XKR7: variants seen among roughly 807,000 people sequenced by gnomAD.
XKR7 encodes the protein XK related 7.
A neutral mutation model predicts 42.2 loss-of-function variants in XKR7; 11 were observed. The ratio of observed to expected loss-of-function variants is 0.26; its 90% CI spans 0.16 to 0.43. The LOEUF is 0.43. Ranked by LOEUF, XKR7 falls within the 20% of genes least tolerant of loss-of-function variation. The pLI is 1.00. For synonymous variants in XKR7, 346 were observed against 366.4 expected (o/e 0.94, Z 0.64); for missense variants, 710 against 802.2 (o/e 0.89, Z 1.39).
chr20:31,972,913 A>C (rs1260614507), intron 1 of XKR7, among the ~76,000 whole-genome samples: 1 of 152,230 alleles, frequency 6.6e-6, no homozygotes, highest in South Asian at 2.1e-4. Flanking sequence ...GGGAAACTAC[A>C]TTCTTGGCAT....
In XKR7 at chr20:31,997,180, C is replaced by G. The variant is rs541480417; in HGVS notation, c.1463C>G (p.Ser488Trp). The G allele has an allele frequency of 2.5e-6, 4 of 1,610,258 alleles. No individual in the cohort carries two copies. Among genetic ancestry groups the G allele is most frequent in the African/African-American group, 2.7e-5 (2 of 75,044 alleles). Residue 488 changes from serine to tryptophan, a missense_variant, in exon 3 of 3, where the codon TCG (serine) becomes TGG (tryptophan). Ser to Trp is a radical substitution (Grantham distance 177, BLOSUM62 -3). This residue lies in a region of XKR7 where 708 missense variants were observed against 786.2 expected (regional missense o/e 0.90). Coordinates refer to ENST00000562532, the MANE Select transcript of XKR7 (RefSeq NM_001011718.2). Reference protein sequence around the residue: ...RTTGAERDGASAGERAGTPTP... With the variant: ...RTTGAERDGAWAGERAGTPTP... ...ACAGGTGCTGAGCGGGATGGGGCCT[C>G]GGCGGGAGAGCGTGCAGGGACCCCC...
At chr20:31,984,700 G>A (rs2064529376) in intron 1 of XKR7, among the ~76,000 whole-genome samples, 1 of 152,196 alleles carries the variant, frequency 6.6e-6, no homozygotes, top group Non-Finnish European at 1.5e-5. Flanking sequence ...GGTCCATTGT[G>A]TCTTACCGGG....
intron 1 of XKR7, among the ~76,000 whole-genome samples, chr20:31,987,974 A>G (rs2122270898): frequency 6.6e-6 from 1 of 152,356 alleles, no homozygotes; most frequent in Middle Eastern, 3.4e-3. Flanking sequence ...ACAGAAATGC[A>G]GGAATGGTAA....
intron 1 of XKR7, among the ~76,000 whole-genome samples, chr20:31,984,372 AC>A (rs2064527790): frequency 6.6e-6 from 1 of 152,120 alleles, no homozygotes; most frequent in Non-Finnish European, 1.5e-5. Context: ...GGAAGCAAGC[AC>A]CCCAGGGAAG....
intron 1 of XKR7, among the ~76,000 whole-genome samples, chr20:31,989,283 C>T (rs983734363): frequency 1.2e-4 from 15 of 120,618 alleles, no homozygotes; most frequent in Non-Finnish European, 2.0e-4. Flanking sequence ...ACACCCCCCC[C>T]CCAGCGCATC....
intron 1 of XKR7, among the ~76,000 whole-genome samples, chr20:31,983,643 A>T (rs2064523759): frequency 6.6e-6 from 1 of 152,118 alleles, no homozygotes; most frequent in South Asian, 2.1e-4. Context: ...CATGGTGAAG[A>T]GTTAATTTTA....
chr20:31,995,038 G>A lies in XKR7; in HGVS notation c.585-30G>A. On this transcript the variant is annotated intron_variant, in intron 1 of 2. Coordinates refer to ENST00000562532, the MANE Select transcript of XKR7 (RefSeq NM_001011718.2). The surrounding 1 kb of genome is among the most constrained non-coding windows in gnomAD (Gnocchi z 4.1). ...GACAGAGCGAGAGGAACCAGCGCGC[G>A]GGAGCCTGAGCACCGCGTCCTTCCC... 14 of 1,539,340 alleles carry A rather than the reference G, an allele frequency of 9.1e-6. No homozygotes were observed. Among genetic ancestry groups the A allele is most frequent in the Non-Finnish European group, 1.1e-5 (13 of 1,145,136 alleles).
At chr20:31,996,069 G>A (rs1343556599) in intron 2 of XKR7, among the ~76,000 whole-genome samples, 1 of 151,152 alleles carries the variant, frequency 6.6e-6, no homozygotes, top group Non-Finnish European at 1.5e-5. Flanking sequence ...TCCTCTCCAT[G>A]CCCGGCCTCC....
intron 1 of XKR7, among the ~76,000 whole-genome samples, chr20:31,980,385 C>T (rs1053702601): frequency 2.0e-5 from 3 of 152,220 alleles, no homozygotes; most frequent in Non-Finnish European, 2.9e-5. Flanking sequence ...CCCAACCCCC[C>T]GCAAAAGTTT....
chr20:31,988,312 A>G (rs142650012), intron 1 of XKR7, among the ~76,000 whole-genome samples: 181 of 152,220 alleles, frequency 1.2e-3, no homozygotes, highest in African/African-American at 4.2e-3. Context: ...ACTGGGGGAC[A>G]CTGGAAATTT....
chr20:31,972,664 G>A (rs560590440), intron 1 of XKR7, among the ~76,000 whole-genome samples: 1 of 152,338 alleles, frequency 6.6e-6, no homozygotes, highest in South Asian at 2.1e-4. Flanking sequence ...GGTTTGCTAA[G>A]CCAATTAGTG....
intron 1 of XKR7, among the ~76,000 whole-genome samples, chr20:31,974,799 C>G (rs1225369133): frequency 6.6e-6 from 1 of 152,136 alleles, no homozygotes; most frequent in Admixed American, 6.5e-5. Flanking sequence ...GATTACAGTC[C>G]CCTGAACTCA....
rs1410878087 is a variant in XKR7 at position 32,002,440 on chromosome 20, C to A, written c.*4983C>A. 6.6e-6 allele frequency: 1 copy of A among 152,166 alleles called. No homozygotes were observed. Among genetic ancestry groups the A allele is most frequent in the Non-Finnish European group, 1.5e-5 (1 of 68,064 alleles). 9.4% of individuals were successfully genotyped at this position (152,166 alleles called of 1,614,324 possible). ...CTCCATCTCTCTCTCACCCAAATCCCCCCAGATCGAATCTGACCCTTTTCC... is the reference window on the plus strand; with the variant it reads ...CTCCATCTCTCTCTCACCCAAATCCACCCAGATCGAATCTGACCCTTTTCC... On this transcript the variant is annotated 3_prime_UTR_variant, in exon 3 of 3. Coordinates refer to ENST00000562532, the MANE Select transcript of XKR7 (RefSeq NM_001011718.2).
At chr20:31,985,283 G>A (rs963181346) in intron 1 of XKR7, among the ~76,000 whole-genome samples, 13 of 152,122 alleles carry the variant, frequency 8.5e-5, no homozygotes, top group Non-Finnish European at 1.0e-4. Context: ...GAGAGGCAGC[G>A]GGGGAGCCAC....
intron 1 of XKR7, among the ~76,000 whole-genome samples, chr20:31,983,734 G>A (rs61682578): frequency 1.3e-5 from 2 of 152,270 alleles, no homozygotes; most frequent in African/African-American, 2.4e-5. Context: ...ATCACCTGAG[G>A]TCAGGAGTTC....
intron 1 of XKR7, among the ~76,000 whole-genome samples, chr20:31,979,126 C>G (rs1241386687): frequency 7.7e-6 from 1 of 130,456 alleles, no homozygotes; most frequent in Non-Finnish European, 1.6e-5. Flanking sequence ...CAGAGTGAGA[C>G]TCTGTCTCAA....
At chr20:31,990,894 A>G (rs553009085) in intron 1 of XKR7, among the ~76,000 whole-genome samples, 4 of 152,234 alleles carry the variant, frequency 2.6e-5, no homozygotes, top group African/African-American at 9.6e-5. Flanking sequence ...CCTGTTGCCA[A>G]AAGGGGCAGA....
chr20:31,997,429 A>T lies in XKR7; in HGVS notation c.1712A>T (p.Glu571Val). 6.3e-7 allele frequency: 1 copy of T among 1,598,466 alleles called. No individual in the cohort carries two copies. Among genetic ancestry groups the T allele is most frequent in the Non-Finnish European group, 8.5e-7 (1 of 1,179,460 alleles). The stretch of plus-strand genomic sequence containing the variant: ...TACCGGAGTGTGGGGACTTCCCAGG[A>T]GCTGCTGGAGTATGAGACCACAGTG... ...LQYRSVGTSQ[E>V]LLEYETTV Residue 571 changes from glutamate to valine, a missense_variant, in exon 3 of 3, where the codon GAG becomes GTG. This residue lies in a region of XKR7 where 708 missense variants were observed against 786.2 expected (regional missense o/e 0.90). Coordinates refer to ENST00000562532, the MANE Select transcript of XKR7 (RefSeq NM_001011718.2).
Position 32,000,639 on chromosome 20 carries a change from T to C in XKR7, c.*3182T>C, listed in dbSNP as rs1000712274. On this transcript the variant is annotated 3_prime_UTR_variant, in exon 3 of 3. Coordinates refer to ENST00000562532, the MANE Select transcript of XKR7 (RefSeq NM_001011718.2). ...AACAGGATGCTTTGGGTACCAAATATGGCAGGCCCTGCCCTCAGTTACCTC... is the reference window on the plus strand; with the variant it reads ...AACAGGATGCTTTGGGTACCAAATACGGCAGGCCCTGCCCTCAGTTACCTC... 1 of 152,238 alleles carries C rather than the reference T, an allele frequency of 6.6e-6. No homozygotes were observed. Among genetic ancestry groups the C allele is most frequent in the Non-Finnish European group, 1.5e-5 (1 of 68,072 alleles). The allele number at this position is 152,238 out of a possible 1,614,324, so 9.4% of individuals were successfully genotyped here.
Sources: allele counts gnomAD v4.1 joint callset (sites outside exome capture counted in the v4.1 genomes callset), GRCh38; gene constraint gnomAD v4.1.1; regional missense constraint gnomAD v4.1.1; non-coding constraint Gnocchi (gnomAD v3.1); transcripts MANE v1.5; gene names NCBI Gene and HGNC (gene_info 2026-07-23, HGNC 2026-07-21).